Variants in HEATR5B observed in about 807,000 individuals in gnomAD.
The protein encoded by HEATR5B is HEAT repeat containing 5B, also known as HEAT repeat-containing protein 5B.
A neutral mutation model predicts 224.1 loss-of-function variants in HEATR5B; 156 were observed. That is an observed-to-expected ratio of 0.70 (90% CI 0.61 to 0.80). The LOEUF (loss-of-function observed/expected upper bound fraction) is 0.80. HEATR5B is among the 30% of genes least tolerant of loss of function. The pLI is 0.00. For synonymous variants in HEATR5B, 1,027 were observed against 893.0 expected, an observed-to-expected ratio of 1.15 and a Z score of -2.68; for missense variants, 2,323 against 2,535.5, an observed-to-expected ratio of 0.92 and a Z score of 1.80.
chr2:37,067,201 G>A (rs1367179415), intron 8 of HEATR5B, among the ~76,000 whole-genome samples: 1 of 151,954 alleles, frequency 6.6e-6, no homozygotes, highest in Admixed American at 6.6e-5. Flanking sequence ...AGGTATTTCT[G>A]GACTTGGAAA....
intron 33 of HEATR5B, among the ~76,000 whole-genome samples, chr2:36,991,698 T>C (rs544894806): frequency 6.6e-6 from 1 of 152,334 alleles, no homozygotes; most frequent in East Asian, 1.9e-4. Context: ...CCAAACATTT[T>C]GTGATTATCA....
At position 37,020,619 on chromosome 2, in the gene HEATR5B, T is replaced by C. The variant is rs571928562; in HGVS notation, c.4035+36A>G. ...ACTTCTTCAGCAATCTTTCAAAAGA[T>C]CAATTTTAAGTTCTTAAATAAATAG... On this transcript the variant is annotated intron_variant, in intron 25 of 35. Coordinates refer to ENST00000233099, the MANE Select transcript of HEATR5B (RefSeq NM_019024.3). The C allele has an allele frequency of 2.1e-6, 3 of 1,443,484 alleles. No individual in the cohort carries two copies. In the African/African-American group the frequency reaches 4.3e-5, roughly 21 times the overall value. 89.4% of individuals were successfully genotyped at this position (1,443,484 alleles called of 1,614,324 possible). A position where few individuals can be genotyped will look rare whatever the true frequency, so the allele number is the denominator to read the frequency against.
intron 11 of HEATR5B, among the ~76,000 whole-genome samples, chr2:37,061,267 T>C (rs1186592811): frequency 6.6e-6 from 1 of 152,208 alleles, no homozygotes; most frequent in Non-Finnish European, 1.5e-5. Context: ...TCATTTAACA[T>C]ACCACTGAAC....
chr2:37,068,285 C>T (rs1019687117), intron 8 of HEATR5B, among the ~76,000 whole-genome samples: 1 of 152,094 alleles, frequency 6.6e-6, no homozygotes, highest in African/African-American at 2.4e-5. Flanking sequence ...AATTGTTCCT[C>T]TCTAAGTTTT....
At chr2:37,023,787 A>G (rs901359694) in intron 24 of HEATR5B, among the ~76,000 whole-genome samples, 3 of 152,044 alleles carry the variant, frequency 2.0e-5, no homozygotes, top group Admixed American at 6.6e-5. Flanking sequence ...AGAAAAAGAT[A>G]AATAAATAAA....
In HEATR5B at chr2:37,035,820, T is replaced by C. The variant is rs375290828; in HGVS notation, c.3216+2035A>G. Among the ~76,000 whole-genome samples, 9 of 152,298 alleles carry C rather than the reference T, an allele frequency of 5.9e-5. No individual in the cohort carries two copies. In the South Asian group the frequency reaches 8.3e-4, roughly 14 times the overall value. On this transcript the variant is annotated intron_variant, in intron 21 of 35. Transcript: ENST00000233099. ...TTTACCTCTTTAACCAGACCTCTCT[T>C]TTCTGAGCTCCAGGCCCATAAAACT...
chr2:37,006,731 C>T (rs1246197747), intron 29 of HEATR5B, among the ~76,000 whole-genome samples: 1 of 152,018 alleles, frequency 6.6e-6, no homozygotes, highest in Non-Finnish European at 1.5e-5. Flanking sequence ...ACATTTTTTT[C>T]TTAATGGGAT....
At chr2:36,998,689 T>G (rs891001049) in intron 33 of HEATR5B, among the ~76,000 whole-genome samples, 1 of 152,136 alleles carries the variant, frequency 6.6e-6, no homozygotes, top group African/African-American at 2.4e-5. Flanking sequence ...ACAGAAACTA[T>G]ATGGGAGTTA....
In HEATR5B at chr2:37,084,358, T is replaced by G. The variant is rs796873203; in HGVS notation, c.-112A>C. 1.2e-4 allele frequency: 62 copies of G among 501,866 alleles called. 1 individual carries two copies. Among genetic ancestry groups the G allele is most frequent in the African/African-American group, 1.0e-3 (51 of 50,404 alleles). The allele number at this position is 501,866 out of a possible 1,614,324, so 31.1% of individuals were successfully genotyped here. A position where few individuals can be genotyped will look rare whatever the true frequency, so the allele number is the denominator to read the frequency against. On this transcript the variant is annotated 5_prime_UTR_variant, in exon 1 of 36. Coordinates refer to ENST00000233099, the MANE Select transcript of HEATR5B (RefSeq NM_019024.3). ...ATGCCCCACCTCCCGCACTCCTACC[T>G]GCAGGAAACAAGGGAAGAGCGCTTG...
At chr2:37,077,951 A>G (rs1672335880) in intron 3 of HEATR5B, among the ~76,000 whole-genome samples, 1 of 152,252 alleles carries the variant, frequency 6.6e-6, no homozygotes, top group South Asian at 2.1e-4. Context: ...CTTCTTCAGG[A>G]GCAAGAAATG....
intron 5 of HEATR5B, among the ~76,000 whole-genome samples, chr2:37,072,711 G>C (rs532182502): frequency 1.5e-4 from 23 of 151,444 alleles, no homozygotes; most frequent in African/African-American, 4.4e-4. Flanking sequence ...GCTTCTTTAA[G>C]AAGACTAATA....
At chr2:37,042,368 T>C (rs1444320039) in intron 18 of HEATR5B, among the ~76,000 whole-genome samples, 2 of 152,238 alleles carry the variant, frequency 1.3e-5, no homozygotes, top group African/African-American at 2.4e-5. Flanking sequence ...TGTTATAATA[T>C]ATCTGAACAG....
At position 37,059,444 on chromosome 2, in the gene HEATR5B, G is replaced by GTA. The variant is rs1271476800; in HGVS notation, c.1850-458_1850-457insTA. ...TGTGTGTGTGTGTGTGTGTGTGTGT[G>GTA]TGTATATATATATATATATATTTTT... On this transcript the variant is annotated intron_variant, in intron 12 of 35. Transcript: ENST00000233099. Among the ~76,000 whole-genome samples, 183 of 52,598 alleles carry GTA rather than the reference G, an allele frequency of 3.5e-3. 2 individuals are homozygous for GTA. The highest frequency in any genetic ancestry group is 0.011 in the African/African-American group (155 of 14,550). 34.5% of individuals were successfully genotyped at this position (52,598 alleles called of 152,430 possible).
At chr2:37,023,134 A>T (rs1572828780) in intron 24 of HEATR5B, among the ~76,000 whole-genome samples, 1 of 152,206 alleles carries the variant, frequency 6.6e-6, no homozygotes, top group Non-Finnish European at 1.5e-5. Context: ...AAAAATCACA[A>T]AGGGGAATTT....
At position 37,079,370 on chromosome 2, in the gene HEATR5B, ATT is replaced by A. The variant is rs576476716; in HGVS notation, c.127-41_127-40del. ...AATTTTTAAAAGAACATCATTAAAAATTTTTTTTGTTACCTTTTAATCAAAAT... is the reference window on the plus strand; with the variant it reads ...AATTTTTAAAAGAACATCATTAAAAATTTTTTGTTACCTTTTAATCAAAAT... On this transcript the variant is annotated intron_variant, in intron 2 of 35. Transcript: ENST00000233099. 4 of 1,196,878 alleles carry A rather than the reference ATT, an allele frequency of 3.3e-6. No homozygotes were observed. In the East Asian group the frequency reaches 7.5e-5, roughly 22 times the overall value. 74.1% of individuals were successfully genotyped at this position (1,196,878 alleles called of 1,614,324 possible). A position where few individuals can be genotyped will look rare whatever the true frequency, so the allele number is the denominator to read the frequency against.
At chr2:36,993,478 G>A (rs1666474520) in intron 33 of HEATR5B, among the ~76,000 whole-genome samples, 1 of 151,820 alleles carries the variant, frequency 6.6e-6, no homozygotes, top group African/African-American at 2.4e-5. Context: ...TGGACGTGGA[G>A]GTTGCGGTGA....
In HEATR5B at chr2:37,068,751, T is replaced by G; in HGVS notation, c.1107A>C (p.Leu369=). Reference sequence around the variant, plus strand: ...CAGCTGCAATCTGGGCTTTTTCACCTAGCAAACTGCCCACAGTAGCTCTTA... The same window carrying G: ...CAGCTGCAATCTGGGCTTTTTCACCGAGCAAACTGCCCACAGTAGCTCTTA... ...FILRATVGSL[L]GEKAQIAAAK... is the part of the protein sequence containing the mutation. The change falls in exon 8 of 36, where the codon CTA becomes CTC. Residue 369 remains leucine (L), a synonymous_variant. Coordinates refer to ENST00000233099, the MANE Select transcript of HEATR5B (RefSeq NM_019024.3). 1 of 1,614,148 alleles carries G rather than the reference T, an allele frequency of 6.2e-7. No homozygotes were observed. The highest frequency in any genetic ancestry group is 1.6e-4 in the Middle Eastern group (1 of 6,062).
At chr2:37,038,142 T>C (rs1350836356) in intron 20 of HEATR5B, 118 bp from the exon 21 acceptor site, 1 of 741,378 alleles carries the variant, frequency 1.3e-6, no homozygotes, top group Non-Finnish European at 1.9e-6. Flanking sequence ...TTCAGGTTTT[T>C]TTTGCTGTTG....
intron 24 of HEATR5B, among the ~76,000 whole-genome samples, chr2:37,024,713 G>A (rs958902300): frequency 6.6e-6 from 1 of 152,098 alleles, no homozygotes; most frequent in Non-Finnish European, 1.5e-5. Context: ...CAACCTAAAA[G>A]TAAATAAAAA....
Sources: allele counts gnomAD v4.1 joint callset (sites outside exome capture counted in the v4.1 genomes callset), GRCh38; gene constraint gnomAD v4.1.1; transcripts MANE v1.5; gene names NCBI Gene and HGNC (gene_info 2026-07-23, HGNC 2026-07-21).